The following ZFPM1 variants were observed in gnomAD, a reference collection of about 807,000 sequenced individuals.
The protein encoded by ZFPM1 is zinc finger protein ZFPM1.
A neutral mutation model predicts 46.3 loss-of-function variants in ZFPM1; 28 were observed. The observed-to-expected ratio is 0.60, with a 90% CI of 0.45 to 0.83. The LOEUF (loss-of-function observed/expected upper bound fraction) is 0.83, where lower values mean the gene tolerates loss of function less well. Ranked by LOEUF, ZFPM1 falls within the 40% of genes least tolerant of loss-of-function variation. The probability of loss-of-function intolerance (pLI) is 0.00; values close to 1 mark genes in which losing one functional copy is unlikely to be tolerated. For missense variants in ZFPM1, 1,878 were observed against 1,432.4 expected (o/e 1.31, Z -5.02); for synonymous variants, 957 against 675.9 (o/e 1.42, Z -6.45).
chr16:88,454,738 G>C (rs1214666913), intron 1 of ZFPM1, among the ~76,000 whole-genome samples: 1 of 152,248 alleles, frequency 6.6e-6, no homozygotes, highest in Admixed American at 6.5e-5. Flanking sequence ...CTCACAGTTA[G>C]GGCCCAGACG....
At chr16:88,520,772 A>G (rs1194975217) in intron 4 of ZFPM1, among the ~76,000 whole-genome samples, 2 of 81,506 alleles carry the variant, frequency 2.5e-5, no homozygotes, top group Non-Finnish European at 2.4e-5. Flanking sequence ...TGGATGGATG[A>G]TTGGGTGGAT....
intron 1 of ZFPM1, among the ~76,000 whole-genome samples, chr16:88,479,093 C>T (rs1908810802): frequency 6.6e-6 from 1 of 152,218 alleles, no homozygotes; most frequent in Non-Finnish European, 1.5e-5. Flanking sequence ...TGCCCTAGTG[C>T]CTGGAAGTCA....
rs1913264735 is a variant in ZFPM1 at position 88,536,829 on chromosome 16, G to A, written c.*1850G>A. The A allele has an allele frequency of 6.6e-6, 1 of 152,236 alleles. No homozygotes were observed. The highest frequency in any genetic ancestry group is 1.5e-5 in the Non-Finnish European group (1 of 68,054). The allele number at this position is 152,236 out of a possible 1,614,324, so 9.4% of individuals were successfully genotyped here. ...GAAGACCAGGTGATAGCGGGGACGG[G>A]AGGCACGGACCCCTCAAGTCTGCTC... On this transcript the variant is annotated 3_prime_UTR_variant, in exon 10 of 10. Coordinates refer to ENST00000319555, the MANE Select transcript of ZFPM1 (RefSeq NM_153813.3).
At chr16:88,529,394 A>C (rs375734750) in intron 6 of ZFPM1, among the ~76,000 whole-genome samples, 21 of 152,356 alleles carry the variant, frequency 1.4e-4, no homozygotes, top group African/African-American at 3.8e-4. Context: ...GACGGCTTGA[A>C]GTAGGTGGAG....
At chr16:88,486,384 A>G (rs1174265515) in intron 2 of ZFPM1, among the ~76,000 whole-genome samples, 1 of 152,190 alleles carries the variant, frequency 6.6e-6, no homozygotes, top group Non-Finnish European at 1.5e-5. Flanking sequence ...TGAAGTGGGG[A>G]CCATGAGGCC....
intron 3 of ZFPM1, among the ~76,000 whole-genome samples, chr16:88,512,370 GC>G (rs1204719697): frequency 6.6e-6 from 1 of 152,168 alleles, no homozygotes; most frequent in African/African-American, 2.4e-5. Context: ...GTGGGCACCA[GC>G]CCCAGGTGCA....
At chr16:88,475,857 C>T (rs550747925) in intron 1 of ZFPM1, among the ~76,000 whole-genome samples, 34 of 152,344 alleles carry the variant, frequency 2.2e-4, no homozygotes, top group Admixed American at 3.3e-4. Context: ...GGCCTACCCT[C>T]GGCCCCCTGG....
chr16:88,523,740 G>A (rs1378848078), intron 4 of ZFPM1, among the ~76,000 whole-genome samples: 1 of 152,210 alleles, frequency 6.6e-6, no homozygotes, highest in Non-Finnish European at 1.5e-5. Flanking sequence ...TGGGGGCCGT[G>A]GCAGGGTGGC....
chr16:88,532,988 G>C (rs1912918583), intron 9 of ZFPM1, 53 bp downstream of exon 9: 1 of 1,605,788 alleles, frequency 6.2e-7, no homozygotes, highest in South Asian at 1.1e-5. Flanking sequence ...TGAGCAGTGG[G>C]AAGGGAGTGG....
chr16:88,498,697 G>A (rs1405021911), intron 3 of ZFPM1, among the ~76,000 whole-genome samples: 2 of 152,232 alleles, frequency 1.3e-5, no homozygotes, highest in African/African-American at 2.4e-5. Flanking sequence ...GGAGCCGGGG[G>A]CACCCCTCTA....
chr16:88,515,149 C>T (rs1307768627), intron 4 of ZFPM1, among the ~76,000 whole-genome samples: 1 of 152,238 alleles, frequency 6.6e-6, no homozygotes, highest in Non-Finnish European at 1.5e-5. Context: ...TTCTTTTAAA[C>T]CACGTCTCAG....
chr16:88,488,378 G>T (rs568492149), intron 2 of ZFPM1, among the ~76,000 whole-genome samples: 1 of 152,252 alleles, frequency 6.6e-6, no homozygotes, highest in Non-Finnish European at 1.5e-5. Context: ...GGCGATGGGC[G>T]CGATAACACA....
intron 6 of ZFPM1, among the ~76,000 whole-genome samples, chr16:88,530,117 C>T (rs1483631531): frequency 6.6e-6 from 1 of 152,136 alleles, no homozygotes; most frequent in Non-Finnish European, 1.5e-5. Flanking sequence ...CATTGCACCC[C>T]TCCACCAGGA....
At chr16:88,518,681 G>GTGGA (rs1790395421) in intron 4 of ZFPM1, among the ~76,000 whole-genome samples, 1 of 149,636 alleles carries the variant, frequency 6.7e-6, no homozygotes, top group South Asian at 2.1e-4. Flanking sequence ...GAGTGGGTGG[G>GTGGA]TGGATGGATG....
chr16:88,496,167 G>C (rs1046131315), intron 3 of ZFPM1, among the ~76,000 whole-genome samples: 1 of 152,174 alleles, frequency 6.6e-6, no homozygotes, highest in Non-Finnish European at 1.5e-5. Context: ...AATTTTCCTG[G>C]TGGGCTCAGC....
intron 5 of ZFPM1, among the ~76,000 whole-genome samples, chr16:88,527,596 C>T (rs1567553941): frequency 6.6e-6 from 1 of 151,996 alleles, no homozygotes; most frequent in Non-Finnish European, 1.5e-5. Context: ...ACAAGCCGGC[C>T]CCGCGCAGCC....
Position 88,534,003 on chromosome 16 carries a change from G to T in ZFPM1, c.2045G>T (p.Arg682Leu). 7.3e-7 allele frequency: 1 copy of T among 1,372,812 alleles called. No individual in the cohort carries two copies. The allele number at this position is 1,372,812 out of a possible 1,614,324, so 85.0% of individuals were successfully genotyped here. Reference protein sequence around the residue: ...SVDDAEDDPSRTLCEACNIRF... With the variant: ...SVDDAEDDPSLTLCEACNIRF... ...GACGACGCGGAGGACGACCCCAGCC[G>T]CACGCTGTGCGAGGCCTGCAACATC... The change falls in exon 10 of 10, where the codon CGC becomes CTC. Residue 682 changes from arginine to leucine, a missense_variant. Transcript: ENST00000319555.
At chr16:88,458,204 C>A (rs1907643581) in intron 1 of ZFPM1, among the ~76,000 whole-genome samples, 1 of 152,228 alleles carries the variant, frequency 6.6e-6, no homozygotes, top group South Asian at 2.1e-4. Flanking sequence ...TTCTCTCCAT[C>A]CTCCGGCTTC....
At chr16:88,470,999 A>G (rs1233199476) in intron 1 of ZFPM1, among the ~76,000 whole-genome samples, 1 of 152,130 alleles carries the variant, frequency 6.6e-6, no homozygotes, top group Admixed American at 6.6e-5. Context: ...AGATGCCAGT[A>G]CCTCACCCGG....
Sources: allele counts gnomAD v4.1 joint callset (sites outside exome capture counted in the v4.1 genomes callset), GRCh38; gene constraint gnomAD v4.1.1; transcripts MANE v1.5; gene names NCBI Gene and HGNC (gene_info 2026-07-23, HGNC 2026-07-21).